The following STARD5 variants were observed in gnomAD, a reference collection of about 807,000 sequenced individuals.
STARD5 encodes the protein StAR related lipid transfer domain containing 5.
In STARD5, 26 loss-of-function variants were observed where a neutral mutation model predicts 24.6. The ratio of observed to expected loss-of-function variants is 1.06; its 90% CI spans 0.77 to 1.47. STARD5 has a LOEUF of 1.47. Ranked by LOEUF, STARD5 falls within the 40% of genes most tolerant of loss-of-function variation. STARD5 has a pLI of 0.00. For missense variants in STARD5, 254 were observed against 270.8 expected (o/e 0.94, Z 0.44); for synonymous variants, 101 against 99.7 (o/e 1.01, Z -0.07).
In STARD5 at chr15:81,315,369, G is replaced by A. The variant is rs1901059642; in HGVS notation, c.495-1966C>T. Among the ~76,000 whole-genome samples, 3 of 152,110 alleles carry A rather than the reference G, an allele frequency of 2.0e-5. No homozygotes were observed. In the South Asian group the frequency reaches 6.2e-4, roughly 32 times the overall value. On this transcript the variant is annotated intron_variant, in intron 5 of 5. Coordinates refer to ENST00000302824, the MANE Select transcript of STARD5 (RefSeq NM_181900.3). Reference sequence around the variant, plus strand: ...TGGGACAAACTCTCTTCGTCACAGTGGCCTTGGTGAGTGGTAGCTCTTGCA... The same window carrying A: ...TGGGACAAACTCTCTTCGTCACAGTAGCCTTGGTGAGTGGTAGCTCTTGCA...
intron 4 of STARD5, 59 bp downstream of exon 4, chr15:81,319,280 G>T: frequency 7.0e-7 from 1 of 1,424,302 alleles, no homozygotes; most frequent in Non-Finnish European, 9.9e-7. Flanking sequence ...ACTGTGGGGT[G>T]CAGAAGAGAA....
chr15:81,322,179 C>T (rs1893302698), intron 3 of STARD5, among the ~76,000 whole-genome samples: 1 of 152,198 alleles, frequency 6.6e-6, no homozygotes, highest in Admixed American at 6.5e-5. Context: ...AGGTATGCTC[C>T]CCGCAGAGAC....
At chr15:81,320,287 C>A (rs1291727229) in intron 3 of STARD5, among the ~76,000 whole-genome samples, 2 of 152,196 alleles carry the variant, frequency 1.3e-5, no homozygotes, top group African/African-American at 4.8e-5. Flanking sequence ...TGTGTTGCTG[C>A]AGAACTTTTC....
chr15:81,317,736 GCA>G (rs952373842), intron 5 of STARD5, among the ~76,000 whole-genome samples: 2 of 152,058 alleles, frequency 1.3e-5, no homozygotes, highest in Non-Finnish European at 2.9e-5. Context: ...CACCTGCAAG[GCA>G]CAGTTTCTTT....
At chr15:81,318,745 C>A (rs1901134782) in intron 4 of STARD5, among the ~76,000 whole-genome samples, 2 of 152,242 alleles carry the variant, frequency 1.3e-5, no homozygotes. Context: ...TGCACTCACA[C>A]ACACTCACTC....
intron 5 of STARD5, among the ~76,000 whole-genome samples, chr15:81,315,488 A>T (rs1424168094): frequency 6.6e-6 from 1 of 152,130 alleles, no homozygotes; most frequent in Non-Finnish European, 1.5e-5. Flanking sequence ...GCTGGGATGA[A>T]GGCATCCACT....
chr15:81,320,589 C>T (rs139803140), intron 3 of STARD5, among the ~76,000 whole-genome samples: 34 of 152,228 alleles, frequency 2.2e-4, no homozygotes, highest in African/African-American at 5.8e-4. Context: ...GGAGTGCGGG[C>T]GGCAATATGT....
chr15:81,322,895 T>G lies in STARD5; in HGVS notation c.149+4A>C. On this transcript the variant is annotated splice_donor_region_variant and intron_variant, in intron 2 of 5. Transcript: ENST00000302824. ...GGTAATCTTTGAACGAGGCATGCACTTACAGGTTCCCTGGAAACTCCACAG... is the reference window on the plus strand; with the variant it reads ...GGTAATCTTTGAACGAGGCATGCACGTACAGGTTCCCTGGAAACTCCACAG... 1 of 1,614,194 alleles carries G rather than the reference T, an allele frequency of 6.2e-7. No homozygotes were observed. Among genetic ancestry groups the G allele is most frequent in the Non-Finnish European group, 8.5e-7 (1 of 1,180,034 alleles).
At position 81,311,448 on chromosome 15, in the gene STARD5, C is replaced by G. The variant is rs1210832471; in HGVS notation, c.*1808G>C. 6.6e-6 allele frequency: 1 copy of G among 152,266 alleles called. No homozygotes were observed. The highest frequency in any genetic ancestry group is 1.5e-5 in the Non-Finnish European group (1 of 68,062). The allele number at this position is 152,266 out of a possible 1,614,324, so 9.4% of individuals were successfully genotyped here. On this transcript the variant is annotated 3_prime_UTR_variant, in exon 6 of 6. Coordinates refer to ENST00000302824, the MANE Select transcript of STARD5 (RefSeq NM_181900.3). ...CTTGGCCCAAGTGGCAGAGCTTGGA[C>G]TGGATGCATGTTTTCCAGCTCCTCA...
rs866284750 is a variant in STARD5, at chr15:81,313,130, G to A, written c.*126C>T. 3.8e-5 allele frequency: 44 copies of A among 1,160,704 alleles called. No homozygotes were observed. The Middle Eastern group carries it at 1.2e-3, about 33-fold the overall frequency. The allele number at this position is 1,160,704 out of a possible 1,614,324, so 71.9% of individuals were successfully genotyped here. On this transcript the variant is annotated 3_prime_UTR_variant, in exon 6 of 6. Coordinates refer to ENST00000302824, the MANE Select transcript of STARD5 (RefSeq NM_181900.3). ...CTCTGGTTGGCATTCTCAGAGATGC[G>A]CAGTCCATCAGCTTGTTCCAAAGAG...
rs1440578187 is a variant in STARD5, at chr15:81,314,481, C to T, written c.495-1078G>A. Among the ~76,000 whole-genome samples, 3 of 152,188 alleles carry T rather than the reference C, an allele frequency of 2.0e-5. No individual in the cohort carries two copies. In the East Asian group the frequency reaches 5.8e-4, roughly 29 times the overall value. The stretch of plus-strand genomic sequence containing the variant: ...GTGCATTTGGCATTTTACTTGAATG[C>T]AACTGTCCACTCAGCCTCACCAGGA... On this transcript the variant is annotated intron_variant, in intron 5 of 5. Transcript: ENST00000302824.
In STARD5 at chr15:81,313,075, G is replaced by A. The variant is rs957219278; in HGVS notation, c.*181C>T. ...GCTCATCACACGCCAACCCTGAGTG[G>A]GGCAGGAGGCAGGAAGGGTGGGCTG... On this transcript the variant is annotated 3_prime_UTR_variant, in exon 6 of 6. Coordinates refer to ENST00000302824, the MANE Select transcript of STARD5 (RefSeq NM_181900.3). The A allele has an allele frequency of 2.3e-5, 14 of 606,670 alleles. No homozygotes were observed. The African/African-American group carries it at 2.5e-4, about 11-fold the overall frequency. 37.6% of individuals were successfully genotyped at this position (606,670 alleles called of 1,614,324 possible). A position where few individuals can be genotyped will look rare whatever the true frequency, so the allele number is the denominator to read the frequency against.
At chr15:81,318,362 A>C (rs1263021788) in intron 5 of STARD5, 47 bp downstream of exon 5, 2 of 1,545,268 alleles carry the variant, frequency 1.3e-6, no homozygotes, top group Middle Eastern at 1.7e-4. Context: ...CAGGGAAGTC[A>C]CAGTTAGGTC....
intron 5 of STARD5, among the ~76,000 whole-genome samples, chr15:81,317,386 C>T (rs952425257): frequency 6.6e-6 from 1 of 152,082 alleles, no homozygotes; most frequent in Non-Finnish European, 1.5e-5. Flanking sequence ...TGAGTCTTAG[C>T]ATCTGACTAC....
intron 1 of STARD5, 106 bp downstream of exon 1, chr15:81,323,895 T>G: frequency 6.1e-6 from 7 of 1,155,628 alleles, no homozygotes; most frequent in African/African-American, 1.5e-5. Context: ...GTCCAGGGGA[T>G]TGGGGAGCAG....
chr15:81,322,791 G>C, intron 2 of STARD5, 108 bp downstream of exon 2: 1 of 1,443,512 alleles, frequency 6.9e-7, no homozygotes, highest in Non-Finnish European at 9.7e-7. Context: ...TGGAGGACAA[G>C]TGATCACAGG....
chr15:81,315,643 G>A lies in STARD5; in HGVS notation c.495-2240C>T, dbSNP rs1021115997. On this transcript the variant is annotated intron_variant, in intron 5 of 5. Coordinates refer to ENST00000302824, the MANE Select transcript of STARD5 (RefSeq NM_181900.3). The stretch of plus-strand genomic sequence containing the variant: ...TCCACCTTAAGAACACCTTTCCCCC[G>A]CCCCCCGCGCCACTTGGAGCTCAAC... 4.0e-5 allele frequency among the ~76,000 whole-genome samples: 6 copies of A among 151,580 alleles called. No homozygotes were observed. In the East Asian group the frequency reaches 5.8e-4, roughly 15 times the overall value.
At chr15:81,323,485 C>T in intron 1 of STARD5, 1 of 457,964 alleles carries the variant, frequency 2.2e-6, no homozygotes, top group Non-Finnish European at 4.0e-6. Context: ...AATGAAAAGT[C>T]AGAAGGGTCA....
At chr15:81,313,624 C>T (rs1394921273) in intron 5 of STARD5, 2 of 357,236 alleles carry the variant, frequency 5.6e-6, no homozygotes, top group Non-Finnish European at 9.9e-6. Flanking sequence ...CTCTCCCGGC[C>T]TCCAGGGAGG....
Sources: gnomAD v4.1 joint callset for allele counts (sites outside exome capture counted in the v4.1 genomes callset) on GRCh38, gnomAD v4.1.1 for gene constraint, MANE v1.5 for transcripts, NCBI Gene and HGNC (gene_info 2026-07-23, HGNC 2026-07-21) for gene names.